Variants in HPSE2 observed in about 807,000 individuals in gnomAD.
HPSE2 encodes heparanase 2 (inactive).
HPSE2 carries 38 observed loss-of-function variants against 60.5 expected under a neutral mutation model. The observed-to-expected ratio is 0.63, with a 90% CI of 0.48 to 0.82. The LOEUF is 0.82. HPSE2 is among the 40% of genes least tolerant of loss of function. The pLI, the probability that HPSE2 is intolerant of heterozygous loss-of-function variation, is 0.00. For missense variants in HPSE2, 713 were observed against 740.4 expected (o/e 0.96, Z 0.43); for synonymous variants, 295 against 293.2 (o/e 1.01, Z -0.06).
At chr10:99,108,820 C>T (rs545702316) in intron 3 of HPSE2, among the ~76,000 whole-genome samples, 1 of 152,280 alleles carries the variant, frequency 6.6e-6, no homozygotes, top group African/African-American at 2.4e-5. Context: ...GGCACATTTT[C>T]AATAAAATTT....
chr10:98,686,480 T>C (rs1366167895), intron 6 of HPSE2, among the ~76,000 whole-genome samples: 2 of 152,130 alleles, frequency 1.3e-5, no homozygotes, highest in East Asian at 1.9e-4. Flanking sequence ...TAGCTCACTG[T>C]AGCCTCAAAC....
chr10:99,098,796 C>A (rs528576050), intron 3 of HPSE2, among the ~76,000 whole-genome samples: 1 of 151,994 alleles, frequency 6.6e-6, no homozygotes, highest in Non-Finnish European at 1.5e-5. Flanking sequence ...AATTTACATA[C>A]GATGTTAATA....
At chr10:99,211,581 G>C (rs1848954835) in intron 2 of HPSE2, among the ~76,000 whole-genome samples, 1 of 152,082 alleles carries the variant, frequency 6.6e-6, no homozygotes. Context: ...ACTGATTTTT[G>C]ACAAAATTGC....
At chr10:98,665,409 G>A (rs1321225252) in intron 6 of HPSE2, among the ~76,000 whole-genome samples, 1 of 152,104 alleles carries the variant, frequency 6.6e-6, no homozygotes, top group Non-Finnish European at 1.5e-5. Context: ...TAGGGATGTG[G>A]ACATGCAAAT....
At chr10:99,308,384 A>AAAAAAAAAC in the HPSE2 span, among the ~76,000 whole-genome samples, 5 of 146,460 alleles carry the variant, frequency 3.4e-5, 1 homozygote, top group Non-Finnish European at 6.0e-5. Context: ...TGTCTCAAAA[A>AAAAAAAAAC]AAAAAAAAAA....
At chr10:99,259,498 G>A in the HPSE2 span, among the ~76,000 whole-genome samples, 1 of 152,078 alleles carries the variant, frequency 6.6e-6, no homozygotes, top group Admixed American at 6.6e-5. Context: ...CTTTGCCAAA[G>A]AAGATACATG....
intron 3 of HPSE2, among the ~76,000 whole-genome samples, chr10:98,987,090 C>T (rs1956379657): frequency 6.6e-6 from 1 of 152,066 alleles, no homozygotes; most frequent in Non-Finnish European, 1.5e-5. Flanking sequence ...ACCATTCCTT[C>T]TGAAACTATT....
chr10:98,686,845 AT>A (rs1947929637), intron 6 of HPSE2, among the ~76,000 whole-genome samples: 5 of 152,316 alleles, frequency 3.3e-5, no homozygotes, highest in South Asian at 4.1e-4. Context: ...ACAGTTGAGC[AT>A]ATGGTCCAAC....
intron 9 of HPSE2, among the ~76,000 whole-genome samples, chr10:98,563,626 T>C (rs1452075353): frequency 6.6e-6 from 1 of 152,056 alleles, no homozygotes; most frequent in African/African-American, 2.4e-5. Context: ...ACTTAGAAAA[T>C]AAAAAAATAT....
chr10:99,138,080 G>T (rs1845727429), intron 3 of HPSE2, among the ~76,000 whole-genome samples: 1 of 152,158 alleles, frequency 6.6e-6, no homozygotes, highest in Non-Finnish European at 1.5e-5. Flanking sequence ...AGTAGGCAAA[G>T]AATATGAACA....
chr10:98,502,116 T>C (rs935148197), intron 9 of HPSE2, among the ~76,000 whole-genome samples: 2 of 152,146 alleles, frequency 1.3e-5, no homozygotes, highest in Non-Finnish European at 2.9e-5. Flanking sequence ...AAAATGACCA[T>C]ACTTCCAAAA....
intron 7 of HPSE2, among the ~76,000 whole-genome samples, chr10:98,629,474 G>A (rs1189840522): frequency 6.6e-6 from 1 of 152,168 alleles, no homozygotes; most frequent in Non-Finnish European, 1.5e-5. Context: ...AGAGCTCTGT[G>A]CCCTTCCCAT....
At chr10:98,720,278 T>C (rs1181864317) in intron 5 of HPSE2, among the ~76,000 whole-genome samples, 1 of 151,850 alleles carries the variant, frequency 6.6e-6, no homozygotes, top group Non-Finnish European at 1.5e-5. Flanking sequence ...GTTATTGCAT[T>C]ACTAACCAAA....
chr10:98,684,615 A>G (rs1268737699), intron 6 of HPSE2, among the ~76,000 whole-genome samples: 1 of 152,148 alleles, frequency 6.6e-6, no homozygotes, highest in Admixed American at 6.6e-5. Context: ...AAGTTTGGGT[A>G]TATGAATGGT....
intron 3 of HPSE2, among the ~76,000 whole-genome samples, chr10:98,791,664 C>T (rs1950658081): frequency 1.3e-5 from 2 of 152,266 alleles, no homozygotes; most frequent in Non-Finnish European, 2.9e-5. Flanking sequence ...CTGAACAACT[C>T]CTTTAGTCCC....
At chr10:98,863,733 C>A (rs1449835825) in intron 3 of HPSE2, among the ~76,000 whole-genome samples, 2 of 152,004 alleles carry the variant, frequency 1.3e-5, no homozygotes, top group Admixed American at 6.6e-5. Context: ...GTTTACAAAC[C>A]TTATATGAAG....
chr10:98,879,668 A>C (rs893207370), intron 3 of HPSE2, among the ~76,000 whole-genome samples: 11 of 152,006 alleles, frequency 7.2e-5, no homozygotes, highest in Non-Finnish European at 1.6e-4. Context: ...TCCCTGAAGT[A>C]ATGAGCTCTG....
intron 6 of HPSE2, among the ~76,000 whole-genome samples, chr10:98,687,010 T>A (rs545142193): frequency 1.3e-4 from 20 of 152,344 alleles, no homozygotes; most frequent in African/African-American, 4.3e-4. Context: ...AAGAAGTGTT[T>A]CTAAATTTCC....
rs536386542 is a variant in HPSE2, at chr10:99,191,291, A to G, written c.448+41057T>C. 1.4e-4 allele frequency among the ~76,000 whole-genome samples: 22 copies of G among 152,030 alleles called. 1 individual carries two copies. The South Asian group carries it at 4.6e-3, about 32-fold the overall frequency. ...AGGTGGCAGCCAGGCACTTATGACC[A>G]TGAACTGTCACCGAGACCCAATGCT... On this transcript the variant is annotated intron_variant, in intron 2 of 11. Transcript: ENST00000370552.
Sources: allele counts gnomAD v4.1 joint callset (sites outside exome capture counted in the v4.1 genomes callset), GRCh38; gene constraint gnomAD v4.1.1; transcripts MANE v1.5; gene names NCBI Gene and HGNC (gene_info 2026-07-23, HGNC 2026-07-21).